The following LMAN2 variants were observed in gnomAD, a reference collection of about 807,000 sequenced individuals.
LMAN2 encodes the protein lectin, mannose binding 2, also known as vesicular integral-membrane protein VIP36.
In LMAN2, 22 loss-of-function variants were observed where a neutral mutation model predicts 39.3. The ratio of observed to expected loss-of-function variants is 0.56; its 90% confidence interval spans 0.40 to 0.80. The LOEUF (loss-of-function observed/expected upper bound fraction) is 0.80, where lower values mean the gene tolerates loss of function less well. Ranked by LOEUF, LMAN2 falls within the 30% of genes least tolerant of loss-of-function variation. The pLI is 0.00. For synonymous variants in LMAN2, 207 were observed against 207.8 expected (o/e 1.00, Z 0.03); for missense variants, 494 against 505.4 (o/e 0.98, Z 0.22).
chr5:177,349,155 C>A (rs1343331331), intron 2 of LMAN2, among the ~76,000 whole-genome samples: 1 of 152,126 alleles, frequency 6.6e-6, no homozygotes, highest in Non-Finnish European at 1.5e-5. Flanking sequence ...TCCTATGCTG[C>A]AGCCACCAGG....
intron 2 of LMAN2, among the ~76,000 whole-genome samples, chr5:177,348,612 C>G (rs964328763): frequency 7.1e-6 from 1 of 141,430 alleles, no homozygotes; most frequent in East Asian, 2.2e-4. Context: ...CGCTTGAACT[C>G]GTGAGGTGGA....
In LMAN2 at chr5:177,331,830, T is replaced by C. The variant is rs1276339247; in HGVS notation, c.*256A>G. 2.1e-5 allele frequency: 9 copies of C among 425,746 alleles called. No homozygotes were observed. The East Asian group carries it at 2.8e-4, about 13-fold the overall frequency. 26.4% of individuals were successfully genotyped at this position (425,746 alleles called of 1,614,324 possible). A position where few individuals can be genotyped will look rare whatever the true frequency, so the allele number is the denominator to read the frequency against. Reference sequence around the variant, plus strand: ...GCCTGCAGGGGCCACAGCCCATCTGTAGACACAGACCCCTGCTCCTGAGAC... The same window carrying C: ...GCCTGCAGGGGCCACAGCCCATCTGCAGACACAGACCCCTGCTCCTGAGAC... On this transcript the variant is annotated 3_prime_UTR_variant, in exon 8 of 8. Transcript: ENST00000303127.
intron 2 of LMAN2, among the ~76,000 whole-genome samples, chr5:177,346,885 C>T (rs944390530): frequency 5.3e-5 from 8 of 152,062 alleles, no homozygotes; most frequent in African/African-American, 1.7e-4. Context: ...AGAGAAGATC[C>T]GAACTCAATC....
chr5:177,349,717 G>A (rs1424201604), intron 2 of LMAN2, among the ~76,000 whole-genome samples: 2 of 152,148 alleles, frequency 1.3e-5, no homozygotes, highest in African/African-American at 2.4e-5. Context: ...TAATAATAAT[G>A]CTATACTGAA....
intron 2 of LMAN2, among the ~76,000 whole-genome samples, chr5:177,341,064 CT>C (rs1298735934): frequency 0.34 from 37,211 of 108,138 alleles, 6,802 homozygotes; most frequent in African/African-American, 0.58. Context: ...CTTTTTTTTT[CT>C]TTTTTTTTTT....
chr5:177,351,530 C>A lies in LMAN2; in HGVS notation c.118G>T (p.Gly40Trp). 6.2e-7 allele frequency: 1 copy of A among 1,614,270 alleles called. No individual in the cohort carries two copies. The highest frequency in any genetic ancestry group is 8.5e-7 in the Non-Finnish European group (1 of 1,180,048). The change falls in exon 1 of 8, where the codon GGG becomes TGG. Residue 40 changes from glycine to tryptophan, a missense_variant. Transcript: ENST00000303127. ...TCAGTTATATCCGCAGTCACAGACC[C>A]CAACAACAAAAGAAGAAAGAGAGGT... ...TTPLFLLLLL[G>W]SVTADITDGN...
intron 2 of LMAN2, among the ~76,000 whole-genome samples, chr5:177,349,307 G>A (rs1761687867): frequency 6.6e-6 from 1 of 152,182 alleles, no homozygotes; most frequent in Non-Finnish European, 1.5e-5. Context: ...TCTCCCGGAT[G>A]GAGTGAATGA....
At chr5:177,344,504 T>A (rs1761606028) in intron 2 of LMAN2, among the ~76,000 whole-genome samples, 1 of 151,078 alleles carries the variant, frequency 6.6e-6, no homozygotes, top group East Asian at 2.0e-4. Context: ...ATGGTCTTGA[T>A]CTCCTGACCT....
At chr5:177,348,916 T>C (rs1761679946) in intron 2 of LMAN2, among the ~76,000 whole-genome samples, 1 of 151,482 alleles carries the variant, frequency 6.6e-6, no homozygotes, top group South Asian at 2.1e-4. Context: ...GATATCAAAT[T>C]GCAATATTTA....
At position 177,337,345 on chromosome 5, in the gene LMAN2, A is replaced by G. The variant is rs770955912; in HGVS notation, c.675+18T>C. The G allele has an allele frequency of 1.8e-5, 29 of 1,609,530 alleles. No individual in the cohort carries two copies. In the East Asian group the frequency reaches 2.0e-4, roughly 11 times the overall value. On this transcript the variant is annotated intron_variant, in intron 5 of 7. Coordinates refer to ENST00000303127, the MANE Select transcript of LMAN2 (RefSeq NM_006816.3). This position sits in a 1 kb window ranked among gnomAD's most constrained non-coding sequence, Gnocchi z 8.2. ...CACAGGGCCACCAGCTGCCACCCCC[A>G]CCGCCTAGCCTGCTCACCGTCAGAC...
In LMAN2 at chr5:177,351,225, A is replaced by G. The variant is rs1283494818; in HGVS notation, c.263T>C (p.Val88Ala). Residue 88 changes from valine (V) to alanine (A), a missense_variant, in exon 2 of 8, where the codon GTA becomes GCA. Transcript: ENST00000303127. The stretch of plus-strand genomic sequence containing the variant: ...GCTGCGCTCGTCAGGGGTCAGACGT[A>G]CGTACTGGCTCGTGAGCATAGTGCT... ...QGSTMLTSQY[V>A]RLTPDERSKE... 1 of 1,614,196 alleles carries G rather than the reference A, an allele frequency of 6.2e-7. No homozygotes were observed. Among genetic ancestry groups the G allele is most frequent in the South Asian group, 1.1e-5 (1 of 91,088 alleles).
At chr5:177,348,268 A>C (rs1561607689) in intron 2 of LMAN2, among the ~76,000 whole-genome samples, 1 of 152,256 alleles carries the variant, frequency 6.6e-6, no homozygotes, top group Non-Finnish European at 1.5e-5. Context: ...TGAAAAGTTT[A>C]AATTATTATA....
Position 177,331,998 on chromosome 5 carries a change from T to C in LMAN2, c.*88A>G, listed in dbSNP as rs528303894. Reference sequence around the variant, plus strand: ...TATTTGAAACAGTTAAGAAATAAGGTCATCTTGTTGTTCTTTTATAATCCC... The same window carrying C: ...TATTTGAAACAGTTAAGAAATAAGGCCATCTTGTTGTTCTTTTATAATCCC... On this transcript the variant is annotated 3_prime_UTR_variant, in exon 8 of 8. Transcript: ENST00000303127. The C allele has an allele frequency of 1.6e-4, 202 of 1,295,684 alleles. 1 individual carries two copies. The highest frequency in any genetic ancestry group is 1.9e-4 in the Non-Finnish European group (178 of 946,146). 80.3% of individuals were successfully genotyped at this position (1,295,684 alleles called of 1,614,324 possible).
chr5:177,332,485 A>G lies in LMAN2; in HGVS notation c.911-239T>C, dbSNP rs1182931986. ...CCCACAGGGACCCGGGACCCCAGCG[A>G]CAAGCCTGGGCTGCCTTCTGCTGCA... is the stretch of plus-strand genomic sequence containing the variant. On this transcript the variant is annotated intron_variant, in intron 7 of 7. Transcript: ENST00000303127. The surrounding 1 kb of genome is among the most constrained non-coding windows in gnomAD (Gnocchi z 6.3). Among the ~76,000 whole-genome samples the G allele has an allele frequency of 2.0e-5, 3 of 152,140 alleles. No individual in the cohort carries two copies. Among genetic ancestry groups the G allele is most frequent in the Admixed American group, 2.0e-4 (3 of 15,288 alleles).
At chr5:177,338,779 G>A (rs1761512160) in intron 2 of LMAN2, among the ~76,000 whole-genome samples, 174 bp from the exon 3 acceptor site, 1 of 152,254 alleles carries the variant, frequency 6.6e-6, no homozygotes, top group African/African-American at 2.4e-5. Flanking sequence ...AAATGTTCTG[G>A]CCGTGAAGGG....
At chr5:177,345,098 T>A (rs1439079812) in intron 2 of LMAN2, among the ~76,000 whole-genome samples, 1 of 150,626 alleles carries the variant, frequency 6.6e-6, no homozygotes, top group Non-Finnish European at 1.5e-5. Context: ...CCCAGCACTC[T>A]GGGAGGGCAA....
Position 177,337,756 on chromosome 5 carries a change from G to A in LMAN2, c.463C>T (p.His155Tyr). ...GPVFGSKDNF[H>Y]GLAIFLDTYP... ...GTGTCCAGGAAGATGGCTAAGCCGT[G>A]GAAGTTATCTTTGCTTCCAAACACA... is the stretch of plus-strand genomic sequence containing the variant. The change falls in exon 4 of 8, where the codon CAC becomes TAC. Residue 155 changes from histidine (H) to tyrosine (Y), a missense_variant. Transcript: ENST00000303127. The surrounding 1 kb of genome is among the most constrained non-coding windows in gnomAD (Gnocchi z 8.2). 6.2e-7 allele frequency: 1 copy of A among 1,613,976 alleles called. No homozygotes were observed. Among genetic ancestry groups the A allele is most frequent in the Non-Finnish European group, 8.5e-7 (1 of 1,179,988 alleles).
chr5:177,335,744 C>A (rs1761459859), intron 6 of LMAN2, among the ~76,000 whole-genome samples: 1 of 152,184 alleles, frequency 6.6e-6, no homozygotes, highest in Non-Finnish European at 1.5e-5. Flanking sequence ...TCTGAGCGGA[C>A]CCAAGCACTT....
chr5:177,335,798 G>A (rs1433121191), intron 6 of LMAN2, among the ~76,000 whole-genome samples: 1 of 152,214 alleles, frequency 6.6e-6, no homozygotes, highest in East Asian at 1.9e-4. Flanking sequence ...CAGACTACAG[G>A]CCCTGGAATG....
Sources: allele counts gnomAD v4.1 joint callset (sites outside exome capture counted in the v4.1 genomes callset), GRCh38; gene constraint gnomAD v4.1.1; non-coding constraint Gnocchi (gnomAD v3.1); transcripts MANE v1.5; gene names NCBI Gene and HGNC (gene_info 2026-07-23, HGNC 2026-07-21).